The following NECAB2 variants were observed in gnomAD, a reference collection of about 807,000 sequenced individuals.
NECAB2 encodes N-terminal EF-hand calcium-binding protein 2.
Under a neutral mutation model 51.9 loss-of-function variants are expected in NECAB2, and 68 were observed. The observed-to-expected ratio is 1.31, with a 90% confidence interval of 1.08 to 1.60. The LOEUF is 1.60. Ranked by LOEUF, NECAB2 falls within the 40% of genes most tolerant of loss-of-function variation. NECAB2 has a pLI of 0.00. For missense variants in NECAB2, 854 were observed against 490.3 expected, an observed-to-expected ratio of 1.74 and a Z score of -7.00; for synonymous variants, 329 against 203.5, an observed-to-expected ratio of 1.62 and a Z score of -5.25.
At chr16:84,001,799 G>GACTC in intron 11 of NECAB2, 26 bp from the exon 12 acceptor site, 1 of 1,613,110 alleles carries the variant, frequency 6.2e-7, no homozygotes, top group Non-Finnish European at 8.5e-7. Flanking sequence ...TGCCACCCCT[G>GACTC]ACTCACACAT....
At chr16:83,973,798 G>A (rs1597195649) in intron 2 of NECAB2, among the ~76,000 whole-genome samples, 1 of 152,116 alleles carries the variant, frequency 6.6e-6, no homozygotes, top group African/African-American at 2.4e-5. Context: ...GTGGCTGTGC[G>A]TATCTCGGTG....
intron 5 of NECAB2, 56 bp from the exon 6 acceptor site, chr16:83,990,438 C>T (rs949476884): frequency 1.9e-6 from 3 of 1,597,802 alleles, no homozygotes; most frequent in African/African-American, 1.3e-5. Flanking sequence ...CTAGACCCCA[C>T]CTCCAATTTC....
intron 12 of NECAB2, 146 bp downstream of exon 12, chr16:84,002,062 A>C: frequency 9.3e-7 from 1 of 1,070,368 alleles, no homozygotes; most frequent in African/African-American, 1.6e-5. Flanking sequence ...GCTCAGAGCC[A>C]GCCCTGAGGT....
chr16:83,983,301 C>T (rs1284165867), intron 5 of NECAB2, among the ~76,000 whole-genome samples: 2 of 152,184 alleles, frequency 1.3e-5, no homozygotes, highest in African/African-American at 2.4e-5. Flanking sequence ...GTGCCGTTGT[C>T]TCTGCATTCT....
intron 8 of NECAB2, among the ~76,000 whole-genome samples, chr16:83,996,775 G>A (rs2084706639): frequency 6.6e-6 from 1 of 152,178 alleles, no homozygotes; most frequent in Non-Finnish European, 1.5e-5. Flanking sequence ...GAAACTTACA[G>A]TGGGGCAGCA....
Position 83,995,378 on chromosome 16 carries a change from C to T in NECAB2, c.795+690C>T, listed in dbSNP as rs965894646. ...TGTCCTCTCTGAGGCTTAGATTCCTCCTCTGATAATCAAGAAAATAACCTG... is the reference window on the plus strand; with the variant it reads ...TGTCCTCTCTGAGGCTTAGATTCCTTCTCTGATAATCAAGAAAATAACCTG... On this transcript the variant is annotated intron_variant, in intron 8 of 12. Coordinates refer to ENST00000305202, the MANE Select transcript of NECAB2 (RefSeq NM_019065.3). Among the ~76,000 whole-genome samples the T allele has an allele frequency of 2.7e-5, 4 of 149,514 alleles. No individual in the cohort carries two copies. In the South Asian group the frequency reaches 8.3e-4, roughly 31 times the overall value.
chr16:83,990,958 T>C (rs1249203679), intron 6 of NECAB2, among the ~76,000 whole-genome samples: 1 of 152,218 alleles, frequency 6.6e-6, no homozygotes, highest in African/African-American at 2.4e-5. Context: ...AGAACTATTC[T>C]GTTGTTTGGC....
intron 1 of NECAB2, among the ~76,000 whole-genome samples, chr16:83,969,106 G>T (rs1033945226): frequency 6.6e-6 from 1 of 151,168 alleles, no homozygotes; most frequent in Admixed American, 6.6e-5. Context: ...GTCCCTGCCT[G>T]CCCACAGTGG....
In NECAB2 at chr16:83,978,518, G is replaced by T. The variant is rs775576009; in HGVS notation, c.301G>T (p.Asp101Tyr). 1.9e-6 allele frequency: 3 copies of T among 1,613,808 alleles called. No homozygotes were observed. Among genetic ancestry groups the T allele is most frequent in the Non-Finnish European group, 1.7e-6 (2 of 1,179,948 alleles). The change falls in exon 3 of 13, where the codon GAT becomes TAT. Residue 101 changes from aspartate to tyrosine, a missense_variant. By Grantham distance (160) the Asp-to-Tyr change is radical (BLOSUM62 -3). Transcript: ENST00000305202. ...DGVLNEKELE[D>Y]LFHTIDSDNT... ...CGTCCTTAATGAGAAAGAACTGGAG[G>T]ATCTCTTTCACACGATTGACTCTGA... is the stretch of plus-strand genomic sequence containing the variant.
At chr16:83,967,138 T>C (rs2084289818), upstream of NECAB2, among the ~76,000 whole-genome samples, 1 of 152,190 alleles carries the variant, frequency 6.6e-6, no homozygotes, top group African/African-American at 2.4e-5. Context: ...CCCCAAAGTG[T>C]TGGTATCACA....
chr16:83,980,348 A>G (rs990137290), intron 3 of NECAB2, among the ~76,000 whole-genome samples: 6 of 152,148 alleles, frequency 3.9e-5, no homozygotes, highest in African/African-American at 1.2e-4. Context: ...CCAAGAAAGG[A>G]CAGGACCCTT....
At chr16:84,000,595 C>G (rs1441209544) in intron 10 of NECAB2, 129 bp from the exon 11 acceptor site, 8 of 686,090 alleles carry the variant, frequency 1.2e-5, no homozygotes, top group East Asian at 2.6e-5. Flanking sequence ...CGATGGAGGT[C>G]AAGACAGGAA....
chr16:83,966,359 C>T (rs1011281964), upstream of NECAB2: 5 of 300,584 alleles, frequency 1.7e-5, no homozygotes, highest in Non-Finnish European at 3.1e-5. Flanking sequence ...ACTCTGTGCT[C>T]GGAGGGAGCT....
At chr16:83,979,319 T>C (rs2084455411) in intron 3 of NECAB2, among the ~76,000 whole-genome samples, 1 of 152,156 alleles carries the variant, frequency 6.6e-6, no homozygotes, top group South Asian at 2.1e-4. Flanking sequence ...AGGGCACATT[T>C]GGTAAGCGGA....
chr16:83,967,376 TGGGAGGATGGGTGGGTGGGTGGAC>T, upstream of NECAB2, among the ~76,000 whole-genome samples: 1 of 87,792 alleles, frequency 1.1e-5, no homozygotes, highest in African/African-American at 4.4e-5. Context: ...GATGGATGGA[TGGGAGGATGGGTGGGTGGGTGGAC>T]AGATGGATAG....
chr16:83,971,356 G>T, intron 1 of NECAB2: 1 of 152,220 alleles, frequency 6.6e-6, no homozygotes, highest in South Asian at 2.1e-4. Flanking sequence ...GGGCTGAGGA[G>T]GTTTTGAAAG....
At chr16:83,971,793 T>A in intron 1 of NECAB2, 1 of 409,508 alleles carries the variant, frequency 2.4e-6, no homozygotes, top group South Asian at 3.4e-5. Context: ...TGATTCGGAG[T>A]GTGGTTGTGT....
intron 6 of NECAB2, among the ~76,000 whole-genome samples, chr16:83,992,982 A>G (rs1052701978): frequency 6.6e-6 from 1 of 152,210 alleles, no homozygotes; most frequent in Non-Finnish European, 1.5e-5. Flanking sequence ...ACACTGGGTC[A>G]GCTCCATCAC....
At chr16:83,997,793 C>T (rs1018256864) in intron 9 of NECAB2, among the ~76,000 whole-genome samples, 1 of 152,064 alleles carries the variant, frequency 6.6e-6, no homozygotes, top group Non-Finnish European at 1.5e-5. Context: ...ACACCTGGCC[C>T]AGAGGCTCCT....
Sources: gnomAD v4.1 joint callset for allele counts (sites outside exome capture counted in the v4.1 genomes callset) on GRCh38, gnomAD v4.1.1 for gene constraint, MANE v1.5 for transcripts, NCBI Gene and HGNC (gene_info 2026-07-23, HGNC 2026-07-21) for gene names.